The following TASP1 variants were observed in gnomAD, a reference collection of about 807,000 sequenced individuals.
The protein encoded by TASP1 is taspase 1, also known as threonine aspartase 1.
In TASP1, 16 loss-of-function variants were observed where a neutral mutation model predicts 56.6. That is an observed-to-expected ratio of 0.28 (90% CI 0.19 to 0.43). The LOEUF is 0.43. Among genes scored for constraint, TASP1 ranks in the 20% least tolerant of loss-of-function variants. The probability of loss-of-function intolerance (pLI) is 1.00; values close to 1 mark genes in which losing one functional copy is unlikely to be tolerated. For synonymous variants in TASP1, 179 were observed against 184.2 expected, an observed-to-expected ratio of 0.97 and a Z score of 0.23; for missense variants, 393 against 511.6, an observed-to-expected ratio of 0.77 and a Z score of 2.24.
intron 10 of TASP1, among the ~76,000 whole-genome samples, chr20:13,507,880 A>C (rs2044187843): frequency 6.6e-6 from 1 of 152,220 alleles, no homozygotes; most frequent in Non-Finnish European, 1.5e-5. Context: ...ATAAAAACAG[A>C]AACACAGATC....
At chr20:13,170,664 T>A in the TASP1 span, among the ~76,000 whole-genome samples, 1 of 152,330 alleles carries the variant, frequency 6.6e-6, no homozygotes, top group Admixed American at 6.5e-5. Flanking sequence ...AAGTATTGAT[T>A]GAAGGGGCTA....
the TASP1 span, among the ~76,000 whole-genome samples, chr20:13,170,470 G>A: frequency 6.6e-6 from 1 of 152,106 alleles, no homozygotes; most frequent in Non-Finnish European, 1.5e-5. Flanking sequence ...TGCATCCTGT[G>A]GTCCAAATGG....
chr20:13,260,825 G>A, the TASP1 span, among the ~76,000 whole-genome samples: 1 of 152,184 alleles, frequency 6.6e-6, no homozygotes, highest in African/African-American at 2.4e-5. Context: ...AACCCGCAAG[G>A]ATTTATTATT....
chr20:13,444,415 G>A (rs2043327321), intron 11 of TASP1, among the ~76,000 whole-genome samples: 1 of 152,064 alleles, frequency 6.6e-6, no homozygotes, highest in Non-Finnish European at 1.5e-5. Context: ...TCTCTTTGAG[G>A]AATTACATAT....
chr20:13,535,119 A>G (rs2045366016), intron 8 of TASP1, among the ~76,000 whole-genome samples: 1 of 152,170 alleles, frequency 6.6e-6, no homozygotes, highest in South Asian at 2.1e-4. Context: ...CAACATGAAC[A>G]GCTCCTCATC....
At chr20:13,471,776 C>A (rs1357439627) in intron 11 of TASP1, among the ~76,000 whole-genome samples, 1 of 152,148 alleles carries the variant, frequency 6.6e-6, no homozygotes, top group African/African-American at 2.4e-5. Flanking sequence ...CGGATGATTT[C>A]TGCATTTCCA....
At chr20:13,174,920 T>C in the TASP1 span, among the ~76,000 whole-genome samples, 1 of 152,084 alleles carries the variant, frequency 6.6e-6, no homozygotes, top group Non-Finnish European at 1.5e-5. Context: ...ATGGTTCTCA[T>C]AGTAGTGAAT....
intron 10 of TASP1, among the ~76,000 whole-genome samples, chr20:13,501,795 T>C (rs2043957511): frequency 6.6e-6 from 1 of 151,912 alleles, no homozygotes; most frequent in Admixed American, 6.6e-5. Context: ...TACTTTACTA[T>C]ACAGACAAAA....
chr20:13,405,276 T>A (rs1278734769), intron 13 of TASP1, among the ~76,000 whole-genome samples: 1 of 152,234 alleles, frequency 6.6e-6, no homozygotes, highest in African/African-American at 2.4e-5. Context: ...TTAAAATGTA[T>A]ACTTAATTAA....
intron 10 of TASP1, among the ~76,000 whole-genome samples, chr20:13,486,761 C>T (rs758324980): frequency 2.6e-5 from 4 of 152,170 alleles, no homozygotes; most frequent in Admixed American, 6.6e-5. Flanking sequence ...AAAATCATAC[C>T]GACGTAGTCT....
intron 4 of TASP1, among the ~76,000 whole-genome samples, chr20:13,621,538 A>G (rs757355903): frequency 1.3e-5 from 2 of 152,198 alleles, no homozygotes; most frequent in Non-Finnish European, 2.9e-5. Context: ...ACTTATTCCA[A>G]GCAAAAATAA....
the TASP1 span, among the ~76,000 whole-genome samples, chr20:13,338,247 T>C: frequency 6.6e-6 from 1 of 152,106 alleles, no homozygotes; most frequent in Non-Finnish European, 1.5e-5. Context: ...ATAGGGTAAT[T>C]TTCTGACCTG....
chr20:13,238,639 A>G, the TASP1 span, among the ~76,000 whole-genome samples: 2 of 152,340 alleles, frequency 1.3e-5, no homozygotes, highest in South Asian at 4.1e-4. Flanking sequence ...AATGTTATTA[A>G]CTTTCCAAGA....
the TASP1 span, chr20:13,154,281 T>A: frequency 9.6e-7 from 1 of 1,045,392 alleles, no homozygotes; most frequent in Non-Finnish European, 1.4e-6. Flanking sequence ...AAGCCACCTG[T>A]CACTCTATCA....
chr20:13,255,081 C>G, the TASP1 span, among the ~76,000 whole-genome samples: 2 of 152,160 alleles, frequency 1.3e-5, no homozygotes, highest in Admixed American at 1.3e-4. Context: ...ATAATTTCAG[C>G]TAACAAATAC....
intron 8 of TASP1, among the ~76,000 whole-genome samples, chr20:13,546,429 A>G (rs1331928698): frequency 6.6e-6 from 1 of 152,218 alleles, no homozygotes; most frequent in Non-Finnish European, 1.5e-5. Context: ...TGCTTACAAA[A>G]TAAAAATGCT....
chr20:13,395,183 C>T (rs1361592513), intron 13 of TASP1, among the ~76,000 whole-genome samples: 1 of 152,152 alleles, frequency 6.6e-6, no homozygotes, highest in Non-Finnish European at 1.5e-5. Flanking sequence ...AAATGGGGGC[C>T]CTTGAGTCTT....
intron 5 of TASP1, among the ~76,000 whole-genome samples, chr20:13,581,560 T>C (rs1338489060): frequency 6.6e-6 from 1 of 152,180 alleles, no homozygotes; most frequent in Non-Finnish European, 1.5e-5. Context: ...GTGTAAAAGA[T>C]TGTAACCTAA....
At chr20:13,592,731 T>G (rs574619959) in intron 4 of TASP1, among the ~76,000 whole-genome samples, 5 of 152,172 alleles carry the variant, frequency 3.3e-5, no homozygotes, top group Non-Finnish European at 7.3e-5. Context: ...TTGTATAATT[T>G]TTTTTCTTTT....
Sources: allele counts gnomAD v4.1 joint callset (sites outside exome capture counted in the v4.1 genomes callset), GRCh38; gene constraint gnomAD v4.1.1; transcripts MANE v1.5; gene names NCBI Gene and HGNC (gene_info 2026-07-23, HGNC 2026-07-21).